RADIL: variants seen among roughly 807,000 people sequenced by gnomAD.
RADIL encodes the protein ras-associating and dilute domain-containing protein.
In RADIL, 99 loss-of-function variants were observed where a neutral mutation model predicts 97.6. The ratio of observed to expected loss-of-function variants is 1.01; its 90% CI spans 0.86 to 1.20. The LOEUF (loss-of-function observed/expected upper bound fraction) is 1.20, where lower values mean the gene tolerates loss of function less well. Ranked by LOEUF, RADIL falls within the 50% of genes most tolerant of loss-of-function variation. The pLI, the probability that RADIL is intolerant of heterozygous loss-of-function variation, is 0.00. For synonymous variants in RADIL, 803 were observed against 691.8 expected (o/e 1.16, Z -2.52); for missense variants, 1,765 against 1,498.9 (o/e 1.18, Z -2.93).
At chr7:4,857,983 A>C (rs1341442563) in intron 2 of RADIL, 1 of 152,656 alleles carries the variant, frequency 6.6e-6, no homozygotes, top group Non-Finnish European at 1.5e-5. Context: ...TTTTTTTCCC[A>C]ATGTGTAAAC....
At chr7:4,810,693 G>C (rs1782518008) in intron 9 of RADIL, among the ~76,000 whole-genome samples, 1 of 152,256 alleles carries the variant, frequency 6.6e-6, no homozygotes, top group South Asian at 2.1e-4. Flanking sequence ...CACTCGGTCA[G>C]CTTCAGCTGA....
Position 4,834,869 on chromosome 7 carries a change from G to T in RADIL, c.1154C>A (p.Ala385Glu). 1 of 1,346,076 alleles carries T rather than the reference G, an allele frequency of 7.4e-7. No individual in the cohort carries two copies. 83.4% of individuals were successfully genotyped at this position (1,346,076 alleles called of 1,614,324 possible). The change falls in exon 4 of 15, where the codon GCG (alanine) becomes GAG (glutamate). Residue 385 changes from alanine (A) to glutamate (E), a missense_variant. By Grantham distance (107) the Ala-to-Glu change is moderately radical. Transcript: ENST00000399583. The surrounding 1 kb of genome is among the most constrained non-coding windows in gnomAD (Gnocchi z 6.0). ...GGAGGCGGCTCCCCGGGCCCCGAGC[G>T]CGGCCCCGCACAGCCGGCAGCTCTG... is the stretch of plus-strand genomic sequence containing the variant. ...VPQSCRLCGA[A>E]LGARGAASPT...
chr7:4,807,218 T>C (rs1320221593), intron 9 of RADIL, among the ~76,000 whole-genome samples: 1 of 152,024 alleles, frequency 6.6e-6, no homozygotes, highest in Non-Finnish European at 1.5e-5. Flanking sequence ...ATGTCCACGC[T>C]GAAGGATAAT....
At position 4,874,686 on chromosome 7, in the gene RADIL, G is replaced by A. The variant is rs188472608; in HGVS notation, c.535+2919C>T. The stretch of plus-strand genomic sequence containing the variant: ...CTCTCTTTGGCAGGTTTCGAAAACC[G>A]CCACGAGCTTAGACAGGCTGTGAGC... On this transcript the variant is annotated intron_variant, in intron 2 of 14. Transcript: ENST00000399583. 2.9e-4 allele frequency among the ~76,000 whole-genome samples: 44 copies of A among 152,310 alleles called. No homozygotes were observed. In the South Asian group the frequency reaches 7.3e-3, roughly 25 times the overall value.
Position 4,834,638 on chromosome 7 carries a change from T to A in RADIL, c.1385A>T (p.Lys462Met). The change falls in exon 4 of 15, where the codon AAG (lysine) becomes ATG (methionine). Residue 462 changes from lysine to methionine, a missense_variant. Transcript: ENST00000399583. This position sits in a 1 kb window ranked among gnomAD's most constrained non-coding sequence, Gnocchi z 6.0. ...QPGTFGQLLL[K>M]IARLIRETVW... Reference sequence around the variant, plus strand: ...AGTCTCGCGGATCAGCCTGGCTATCTTGAGCAGGAGCTGCCCGAATGTGCC... The same window carrying A: ...AGTCTCGCGGATCAGCCTGGCTATCATGAGCAGGAGCTGCCCGAATGTGCC... 1 of 1,352,796 alleles carries A rather than the reference T, an allele frequency of 7.4e-7. No individual in the cohort carries two copies. Among genetic ancestry groups the A allele is most frequent in the Non-Finnish European group, 9.6e-7 (1 of 1,045,122 alleles). The allele number at this position is 1,352,796 out of a possible 1,614,324, so 83.8% of individuals were successfully genotyped here. A position where few individuals can be genotyped will look rare whatever the true frequency, so the allele number is the denominator to read the frequency against.
intron 5 of RADIL, 96 bp downstream of exon 5, chr7:4,832,045 G>A (rs531810347): frequency 7.6e-7 from 1 of 1,315,786 alleles, no homozygotes; most frequent in East Asian, 2.4e-5. Flanking sequence ...TGACCCCAAG[G>A]CGTGGGGAGA....
intron 2 of RADIL, among the ~76,000 whole-genome samples, chr7:4,876,045 C>T: frequency 6.6e-6 from 1 of 152,120 alleles, no homozygotes; most frequent in East Asian, 1.9e-4. Context: ...GTTGCCTGGG[C>T]TAGAGTGCAG....
chr7:4,822,560 A>G lies in RADIL; in HGVS notation c.1455-6T>C. 1 of 1,612,310 alleles carries G rather than the reference A, an allele frequency of 6.2e-7. No individual in the cohort carries two copies. Among genetic ancestry groups the G allele is most frequent in the Non-Finnish European group, 8.5e-7 (1 of 1,179,668 alleles). Reference sequence around the variant, plus strand: ...CCAGCGAGATGGGCTCCTGGCTACCAAGACAGAAAGACTAAGAGTTACGCG... The same window carrying G: ...CCAGCGAGATGGGCTCCTGGCTACCGAGACAGAAAGACTAAGAGTTACGCG... On this transcript the variant is annotated splice_polypyrimidine_tract_variant and splice_region_variant and intron_variant, in intron 5 of 14. Coordinates refer to ENST00000399583, the MANE Select transcript of RADIL (RefSeq NM_018059.5). The surrounding 1 kb of genome is among the most constrained non-coding windows in gnomAD (Gnocchi z 5.3).
chr7:4,860,592 C>T (rs1783962143), intron 2 of RADIL: 1 of 1,614,192 alleles, frequency 6.2e-7, no homozygotes, highest in Non-Finnish European at 8.5e-7. Flanking sequence ...TCATTCTTCT[C>T]CAAGCTCCCA....
intron 2 of RADIL, chr7:4,861,008 G>A: frequency 1.2e-6 from 2 of 1,614,202 alleles, no homozygotes; most frequent in Non-Finnish European, 1.7e-6. Flanking sequence ...CCGTACAAGA[G>A]TTGACGCTAC....
At chr7:4,807,996 T>C (rs1583267420) in intron 9 of RADIL, among the ~76,000 whole-genome samples, 3 of 70,128 alleles carry the variant, frequency 4.3e-5, no homozygotes, top group African/African-American at 6.6e-5. Context: ...CCTGTCTCTC[T>C]CCCCTCCCTC....
At chr7:4,881,600 G>A (rs1414707921) in intron 1 of RADIL, among the ~76,000 whole-genome samples, 1 of 150,262 alleles carries the variant, frequency 6.7e-6, no homozygotes, top group Admixed American at 6.6e-5. Context: ...GGTGGCGGGT[G>A]CCTGTAACCC....
In RADIL at chr7:4,799,131, AC is replaced by A. The variant is rs1416202473; in HGVS notation, c.*246del. 7.7e-6 allele frequency: 4 copies of A among 521,190 alleles called. No homozygotes were observed. Among genetic ancestry groups the A allele is most frequent in the African/African-American group, 5.8e-5 (3 of 51,998 alleles). The allele number at this position is 521,190 out of a possible 1,614,324, so 32.3% of individuals were successfully genotyped here. The stretch of plus-strand genomic sequence containing the variant: ...AAGAACGGGAAAAATAGTTTATTGA[AC>A]CGTACTTCTCCATTGAAGTCTTTAA... On this transcript the variant is annotated 3_prime_UTR_variant, in exon 15 of 15. Transcript: ENST00000399583.
At chr7:4,810,833 G>A (rs1782523412) in intron 9 of RADIL, among the ~76,000 whole-genome samples, 1 of 152,162 alleles carries the variant, frequency 6.6e-6, no homozygotes, top group Non-Finnish European at 1.5e-5. Context: ...CATGTGTTCG[G>A]TGTTTAAAAC....
intron 9 of RADIL, chr7:4,809,250 G>A (rs1782463884): frequency 2.4e-5 from 24 of 985,286 alleles, no homozygotes; most frequent in Non-Finnish European, 2.9e-5. Context: ...GGGCCTGGCC[G>A]CCAAGCTGGG....
At chr7:4,825,499 G>C (rs1010189317) in intron 5 of RADIL, among the ~76,000 whole-genome samples, 3 of 152,182 alleles carry the variant, frequency 2.0e-5, no homozygotes, top group African/African-American at 7.2e-5. Flanking sequence ...GAGGTTGTGA[G>C]TGAGAAAGCA....
Position 4,835,269 on chromosome 7 carries a change from G to A in RADIL, c.784-30C>T, listed in dbSNP as rs779158275. 3.7e-6 allele frequency: 6 copies of A among 1,600,132 alleles called. No homozygotes were observed. The highest frequency in any genetic ancestry group is 1.7e-5 in the Admixed American group (1 of 59,634). On this transcript the variant is annotated intron_variant, in intron 3 of 14. Coordinates refer to ENST00000399583, the MANE Select transcript of RADIL (RefSeq NM_018059.5). This position sits in a 1 kb window ranked among gnomAD's most constrained non-coding sequence, Gnocchi z 5.8. ...AACAGAGACTCCGCTCAGGGCAGGC[G>A]TAACGCGAGCAGCACACGGGAAAAG...
chr7:4,802,028 G>A, intron 11 of RADIL, 33 bp from the exon 12 acceptor site: 2 of 1,449,968 alleles, frequency 1.4e-6, no homozygotes, highest in Non-Finnish European at 1.8e-6. Context: ...CTCAGGTAGA[G>A]GAGTGGCCAG....
chr7:4,865,941 C>A, intron 2 of RADIL: 1 of 582,136 alleles, frequency 1.7e-6, no homozygotes, highest in Non-Finnish European at 3.1e-6. Context: ...AGGTATGTAA[C>A]CTAGGAGCAA....
Sources: allele counts gnomAD v4.1 joint callset (sites outside exome capture counted in the v4.1 genomes callset), GRCh38; gene constraint gnomAD v4.1.1; non-coding constraint Gnocchi (gnomAD v3.1); transcripts MANE v1.5; gene names NCBI Gene and HGNC (gene_info 2026-07-23, HGNC 2026-07-21).